Variants in GRIK4 observed in about 807,000 individuals in gnomAD.
GRIK4 encodes the protein glutamate receptor ionotropic, kainate 4.
GRIK4 carries 40 observed loss-of-function variants against 104.9 expected under a neutral mutation model. That is an observed-to-expected ratio of 0.38 (90% confidence interval 0.30 to 0.50). The LOEUF (loss-of-function observed/expected upper bound fraction) is 0.50. GRIK4 is among the 20% of genes least tolerant of loss of function. GRIK4 has a pLI of 0.93. For synonymous variants in GRIK4, 485 were observed against 524.9 expected, an observed-to-expected ratio of 0.92 and a Z score of 1.04; for missense variants, 1,047 against 1,308.1, an observed-to-expected ratio of 0.80 and a Z score of 3.08.
intron 8 of GRIK4, among the ~76,000 whole-genome samples, chr11:120,837,947 C>T (rs558732819): frequency 7.2e-5 from 11 of 152,160 alleles, no homozygotes; most frequent in East Asian, 1.9e-4. Context: ...TAAATTAGGC[C>T]GGCAACATGA....
chr11:120,529,911 C>T (rs1178435137), intron 1 of GRIK4, among the ~76,000 whole-genome samples: 1 of 152,242 alleles, frequency 6.6e-6, no homozygotes, highest in African/African-American at 2.4e-5. Context: ...AGTGGTTAAA[C>T]TGGCATGCCC....
At chr11:120,904,561 C>G (rs899181717) in intron 12 of GRIK4, among the ~76,000 whole-genome samples, 4 of 152,216 alleles carry the variant, frequency 2.6e-5, no homozygotes, top group Admixed American at 1.3e-4. Flanking sequence ...ATGCTTCCCC[C>G]CTATACCTTG....
At chr11:120,655,495 C>G (rs898848036) in intron 2 of GRIK4, among the ~76,000 whole-genome samples, 1 of 152,150 alleles carries the variant, frequency 6.6e-6, no homozygotes, top group African/African-American at 2.4e-5. Context: ...GGAGAGCTCC[C>G]TAAGACTTCA....
rs1555037508 is a variant in GRIK4, at chr11:120,668,105, A to AGATG, written c.82+7708_82+7709insGGAT. 1.6e-4 allele frequency among the ~76,000 whole-genome samples: 9 copies of AGATG among 55,896 alleles called. No individual in the cohort carries two copies. The South Asian group carries it at 5.0e-3, about 31-fold the overall frequency. 36.7% of individuals were successfully genotyped at this position (55,896 alleles called of 152,430 possible). A position where few individuals can be genotyped will look rare whatever the true frequency, so the allele number is the denominator to read the frequency against. The stretch of plus-strand genomic sequence containing the variant: ...CTCATAGATGGATAGATAGATGGAT[A>AGATG]GATAGATAGATAGATAGATAGATAG... On this transcript the variant is annotated intron_variant, in intron 3 of 20. Transcript: ENST00000527524.
At chr11:120,929,704 A>C (rs1943439034) in intron 13 of GRIK4, among the ~76,000 whole-genome samples, 1 of 152,112 alleles carries the variant, frequency 6.6e-6, no homozygotes, top group Admixed American at 6.5e-5. Flanking sequence ...TAGCTGCTTT[A>C]AGCCAGATTG....
In GRIK4 at chr11:120,835,265, C is replaced by T. The variant is rs561223593; in HGVS notation, c.691-1526C>T. On this transcript the variant is annotated intron_variant, in intron 7 of 20. Coordinates refer to ENST00000527524, the MANE Select transcript of GRIK4 (RefSeq NM_014619.5). ...ATAAGATTACAGGCGCGGTGCCTCA[C>T]GCCTGTAATCCCAGCACTTTGGGAG... 1.2e-4 allele frequency among the ~76,000 whole-genome samples: 18 copies of T among 152,312 alleles called. No homozygotes were observed. In the South Asian group the frequency reaches 2.7e-3, roughly 23 times the overall value.
At chr11:120,654,043 G>T (rs376878106) in intron 2 of GRIK4, among the ~76,000 whole-genome samples, 2 of 152,284 alleles carry the variant, frequency 1.3e-5, no homozygotes, top group African/African-American at 4.8e-5. Flanking sequence ...TAAAGTACGG[G>T]AATGAGGCCC....
intron 3 of GRIK4, among the ~76,000 whole-genome samples, chr11:120,750,350 CTT>C (rs869135246): frequency 0.16 from 12,161 of 76,632 alleles, 352 homozygotes; most frequent in South Asian, 0.24. Context: ...CTAGAAATCT[CTT>C]TTTTTTTTTT....
At position 120,524,114 on chromosome 11, in the gene GRIK4, A is replaced by T. The variant is rs1003772223; in HGVS notation, c.-159+12227A>T. ...GCTAATTTTTTGTATTTTAATAGAG[A>T]CAGGGTTTCATCATGTTAGCCAGGA... On this transcript the variant is annotated intron_variant, in intron 1 of 20. Coordinates refer to ENST00000527524, the MANE Select transcript of GRIK4 (RefSeq NM_014619.5). This position sits in a 1 kb window ranked among gnomAD's most constrained non-coding sequence, Gnocchi z 4.5. 6.6e-6 allele frequency among the ~76,000 whole-genome samples: 1 copy of T among 152,024 alleles called. No homozygotes were observed.
In GRIK4 at chr11:120,831,968, G is replaced by C. The variant is rs762037476; in HGVS notation, c.628G>C (p.Asp210His). The C allele has an allele frequency of 5.6e-6, 9 of 1,613,782 alleles. No individual in the cohort carries two copies. The highest frequency in any genetic ancestry group is 1.3e-5 in the African/African-American group (1 of 74,888). ...PTPLLKEIRD[D>H]KTATIIIHAN... ...CCCGCTCCTCAAGGAGATCCGGGAC[G>C]ACAAGACCGCCACCATCATCATCCA... The change falls in exon 7 of 21, where the codon GAC becomes CAC. Residue 210 changes from aspartate (D) to histidine (H), a missense_variant. Transcript: ENST00000527524.
At position 120,701,334 on chromosome 11, in the gene GRIK4, G is replaced by T. The variant is rs77184496; in HGVS notation, c.82+40934G>T. Among the ~76,000 whole-genome samples, 1,104 of 152,120 alleles carry T rather than the reference G, an allele frequency of 7.3e-3. 20 individuals carry two copies. Among genetic ancestry groups the T allele is most frequent in the African/African-American group, 0.025 (1,041 of 41,482 alleles). On this transcript the variant is annotated intron_variant, in intron 3 of 20. Transcript: ENST00000527524. ...ATTGCTTCCTTCTCTGTGAGTTTGA[G>T]CTCCTTTTCTAATATTCCACATTTA...
chr11:120,626,013 G>A (rs1254655417), intron 1 of GRIK4, among the ~76,000 whole-genome samples: 1 of 152,174 alleles, frequency 6.6e-6, no homozygotes, highest in Non-Finnish European at 1.5e-5. Flanking sequence ...CATCAAGGAG[G>A]ATGAAATTAA....
chr11:120,609,942 A>G (rs1435719245), intron 1 of GRIK4, among the ~76,000 whole-genome samples: 1 of 151,868 alleles, frequency 6.6e-6, no homozygotes, highest in Non-Finnish European at 1.5e-5. Flanking sequence ...GATCTTGGAC[A>G]TGTCACTTCC....
chr11:120,545,781 C>A (rs1214929558), intron 1 of GRIK4, among the ~76,000 whole-genome samples: 1 of 152,144 alleles, frequency 6.6e-6, no homozygotes, highest in Non-Finnish European at 1.5e-5. Context: ...GTAGGGAGCA[C>A]CAGTTTTAGG....
At position 120,793,403 on chromosome 11, in the gene GRIK4, G is replaced by A. The variant is rs969317002; in HGVS notation, c.83-9290G>A. Among the ~76,000 whole-genome samples, 7 of 152,078 alleles carry A rather than the reference G, an allele frequency of 4.6e-5. No homozygotes were observed. In the South Asian group the frequency reaches 1.0e-3, roughly 23 times the overall value. ...TAGCACAGGGGAGCCAGCAGGCCTC[G>A]GGAGAGGCTGAAGAAGAAGGAGGCC... is the stretch of plus-strand genomic sequence containing the variant. On this transcript the variant is annotated intron_variant, in intron 3 of 20. Transcript: ENST00000527524.
At chr11:120,710,502 C>G (rs1266236464) in intron 3 of GRIK4, among the ~76,000 whole-genome samples, 2 of 152,178 alleles carry the variant, frequency 1.3e-5, no homozygotes, top group Non-Finnish European at 2.9e-5. Flanking sequence ...CTGGCCTGCT[C>G]TGTGGGCATA....
rs965434328 is a variant in GRIK4 at position 120,952,208 on chromosome 11, G to A, written c.1591-647G>A. On this transcript the variant is annotated intron_variant, in intron 14 of 20. Transcript: ENST00000527524. The surrounding 1 kb of genome is among the most constrained non-coding windows in gnomAD (Gnocchi z 5.2). ...CACGGTGCAGTGGAGTGAGCCCTGGGCTTTGAGTCAGGAAACATGGGCTTT... is the reference window on the plus strand; with the variant it reads ...CACGGTGCAGTGGAGTGAGCCCTGGACTTTGAGTCAGGAAACATGGGCTTT... Among the ~76,000 whole-genome samples, 10 of 152,272 alleles carry A rather than the reference G, an allele frequency of 6.6e-5. No homozygotes were observed. Among genetic ancestry groups the A allele is most frequent in the African/African-American group, 2.4e-4 (10 of 41,570 alleles).
intron 20 of GRIK4, among the ~76,000 whole-genome samples, chr11:120,985,650 C>A (rs1944729951): frequency 6.7e-6 from 1 of 148,380 alleles, no homozygotes; most frequent in South Asian, 2.1e-4. Context: ...AAAGTGAGAT[C>A]ATTGTCTTTG....
intron 6 of GRIK4, among the ~76,000 whole-genome samples, chr11:120,830,876 C>T (rs1158681712): frequency 6.8e-6 from 1 of 148,072 alleles, no homozygotes; most frequent in Non-Finnish European, 1.5e-5. Flanking sequence ...CCCCACCCCC[C>T]ACATTTCCCT....
Sources: allele counts gnomAD v4.1 joint callset (sites outside exome capture counted in the v4.1 genomes callset), GRCh38; gene constraint gnomAD v4.1.1; non-coding constraint Gnocchi (gnomAD v3.1); transcripts MANE v1.5; gene names NCBI Gene and HGNC (gene_info 2026-07-23, HGNC 2026-07-21).